Variants in RORA observed in about 807,000 individuals in gnomAD.
RORA encodes the protein nuclear receptor ROR-alpha.
RORA carries 7 observed loss-of-function variants against 69.5 expected under a neutral mutation model. The observed-to-expected ratio is 0.10, with a 90% CI of 0.06 to 0.19. RORA has a LOEUF of 0.19. Among genes scored for constraint, RORA ranks in the 10% least tolerant of loss-of-function variants. The pLI is 1.00. For synonymous variants in RORA, 261 were observed against 240.8 expected, an observed-to-expected ratio of 1.08 and a Z score of -0.78; for missense variants, 457 against 663.0, an observed-to-expected ratio of 0.69 and a Z score of 3.41.
At chr15:60,644,515 T>C (rs990037713) in intron 2 of RORA, among the ~76,000 whole-genome samples, 15 of 152,236 alleles carry the variant, frequency 9.9e-5, no homozygotes, top group African/African-American at 3.6e-4. Context: ...TTTCTCTTTT[T>C]AAAAATTATG....
chr15:60,838,843 AACACACACACACACACACACACACACAC>A (rs58762022), intron 1 of RORA, among the ~76,000 whole-genome samples: 1 of 122,084 alleles, frequency 8.2e-6, no homozygotes, highest in Non-Finnish European at 1.7e-5. Flanking sequence ...ACATTCATTC[AACACACACACACACACACACACACACAC>A]ACACACACAC....
intron 1 of RORA, among the ~76,000 whole-genome samples, chr15:60,999,416 A>C (rs760600686): frequency 6.6e-6 from 1 of 152,186 alleles, no homozygotes; most frequent in East Asian, 1.9e-4. Flanking sequence ...ACAGACCTGG[A>C]ATCTGACTCC....
intron 2 of RORA, among the ~76,000 whole-genome samples, chr15:60,629,681 G>A (rs1003327752): frequency 6.6e-6 from 1 of 152,184 alleles, no homozygotes; most frequent in African/African-American, 2.4e-5. Flanking sequence ...ATGGTGTCAG[G>A]TCATACCAAA....
chr15:60,740,675 C>T (rs2071563783), intron 1 of RORA, among the ~76,000 whole-genome samples: 1 of 152,194 alleles, frequency 6.6e-6, no homozygotes, highest in African/African-American at 2.4e-5. Flanking sequence ...AAAAAAATCT[C>T]AGTGGCACTC....
intron 1 of RORA, among the ~76,000 whole-genome samples, chr15:60,866,834 A>ATCTATCTG (rs2073493909): frequency 6.6e-6 from 1 of 150,688 alleles, no homozygotes; most frequent in Non-Finnish European, 1.5e-5. Flanking sequence ...CTATCTATCT[A>ATCTATCTG]TCTATCTATC....
At chr15:60,896,711 G>T (rs1891237912) in intron 1 of RORA, among the ~76,000 whole-genome samples, 1 of 148,160 alleles carries the variant, frequency 6.7e-6, no homozygotes, top group Non-Finnish European at 1.5e-5. Flanking sequence ...TGTTTAATTA[G>T]CAAGACTCTG....
rs532182278 is a variant in RORA, at chr15:60,621,371, C to T, written c.196+57286G>A. 5.3e-5 allele frequency among the ~76,000 whole-genome samples: 8 copies of T among 152,226 alleles called. No homozygotes were observed. The South Asian group carries it at 6.2e-4, about 12-fold the overall frequency. ...ACCCAGAGAAGCTCATAGTCCACTG[C>T]GGAGCCAGAGAGTAAATTGTTGCTA... On this transcript the variant is annotated intron_variant, in intron 2 of 10. Transcript: ENST00000335670.
At chr15:60,836,838 GC>G (rs2073123025) in intron 1 of RORA, among the ~76,000 whole-genome samples, 1 of 151,936 alleles carries the variant, frequency 6.6e-6, no homozygotes, top group African/African-American at 2.4e-5. Flanking sequence ...TCCCCCCTCT[GC>G]CCTCCCACCT....
intron 1 of RORA, among the ~76,000 whole-genome samples, chr15:60,783,233 T>C (rs912886237): frequency 5.3e-5 from 8 of 152,162 alleles, no homozygotes; most frequent in Non-Finnish European, 1.2e-4. Context: ...AATGTTTTTA[T>C]CTTTTTTTTA....
At chr15:61,185,874 C>T (rs1178267776) in intron 1 of RORA, among the ~76,000 whole-genome samples, 1 of 152,166 alleles carries the variant, frequency 6.6e-6, no homozygotes, top group African/African-American at 2.4e-5. Flanking sequence ...ATGAAATGCC[C>T]AGACCGAGAC....
intron 2 of RORA, chr15:60,592,922 G>A (rs1191402613): frequency 1.5e-5 from 7 of 455,770 alleles, no homozygotes; most frequent in Non-Finnish European, 2.2e-5. Flanking sequence ...CTCTCCCGCT[G>A]GCTTGCCGGA....
chr15:61,017,166 C>G (rs1344198203), intron 1 of RORA, among the ~76,000 whole-genome samples: 2 of 152,136 alleles, frequency 1.3e-5, no homozygotes, highest in Non-Finnish European at 2.9e-5. Context: ...TTGGCTTAAC[C>G]TCCAGGGCTC....
chr15:60,675,281 AC>A (rs1344014816), intron 2 of RORA, among the ~76,000 whole-genome samples: 1 of 152,226 alleles, frequency 6.6e-6, no homozygotes, highest in African/African-American at 2.4e-5. Context: ...AGAGACCAGA[AC>A]AAACTTGTGA....
chr15:60,816,166 T>C (rs2072814654), intron 1 of RORA, among the ~76,000 whole-genome samples: 1 of 80,890 alleles, frequency 1.2e-5, no homozygotes, highest in Non-Finnish European at 2.3e-5. Context: ...ATTTATATAC[T>C]GTAAACAGTA....
intron 1 of RORA, among the ~76,000 whole-genome samples, chr15:61,018,508 T>C (rs1895383952): frequency 6.6e-6 from 1 of 152,152 alleles, no homozygotes. Context: ...TGTGTATGTG[T>C]AGTGTGTAGC....
At chr15:61,074,734 G>C (rs141661936) in intron 1 of RORA, among the ~76,000 whole-genome samples, 26 of 152,242 alleles carry the variant, frequency 1.7e-4, no homozygotes, top group African/African-American at 5.8e-4. Context: ...TTCAGGTGAG[G>C]TACAGGCCAA....
At chr15:60,908,697 C>T (rs1014123269) in intron 1 of RORA, among the ~76,000 whole-genome samples, 29 of 152,070 alleles carry the variant, frequency 1.9e-4, no homozygotes, top group African/African-American at 6.3e-4. Flanking sequence ...CATTTTGTCC[C>T]CCTCCCTTCA....
At chr15:60,947,434 G>C (rs538630640) in intron 1 of RORA, among the ~76,000 whole-genome samples, 5 of 152,070 alleles carry the variant, frequency 3.3e-5, no homozygotes, top group East Asian at 3.9e-4. Context: ...TGTCCACTCA[G>C]GGTTAAATGG....
intron 1 of RORA, among the ~76,000 whole-genome samples, chr15:60,838,056 G>C (rs927905071): frequency 1.3e-5 from 2 of 152,116 alleles, no homozygotes; most frequent in East Asian, 1.9e-4. Context: ...ATCCTTCAAG[G>C]CTTGGCTTCC....
Sources: allele counts gnomAD v4.1 joint callset (sites outside exome capture counted in the v4.1 genomes callset), GRCh38; gene constraint gnomAD v4.1.1; transcripts MANE v1.5; gene names NCBI Gene and HGNC (gene_info 2026-07-23, HGNC 2026-07-21).